The following CLSTN2 variants were observed in gnomAD, a reference collection of about 807,000 sequenced individuals.
CLSTN2 encodes the protein calsyntenin 2.
A neutral mutation model predicts 101.2 loss-of-function variants in CLSTN2; 48 were observed. The observed-to-expected ratio is 0.47, with a 90% CI of 0.38 to 0.60. The LOEUF (loss-of-function observed/expected upper bound fraction) is 0.60, where lower values mean the gene tolerates loss of function less well. Ranked by LOEUF, CLSTN2 falls within the 20% of genes least tolerant of loss-of-function variation. CLSTN2 has a pLI of 0.00. For missense variants in CLSTN2, 1,160 were observed against 1,238.2 expected, an observed-to-expected ratio of 0.94 and a Z score of 0.95; for synonymous variants, 481 against 463.6, an observed-to-expected ratio of 1.04 and a Z score of -0.48.
intron 9 of CLSTN2, among the ~76,000 whole-genome samples, chr3:140,544,373 G>T (rs1935544568): frequency 6.6e-6 from 1 of 152,140 alleles, no homozygotes; most frequent in Non-Finnish European, 1.5e-5. Flanking sequence ...GCCTGCGGGT[G>T]GCACAAAGGA....
At chr3:140,464,645 A>G (rs949726750) in intron 7 of CLSTN2, among the ~76,000 whole-genome samples, 10 of 152,146 alleles carry the variant, frequency 6.6e-5, no homozygotes, top group African/African-American at 2.4e-4. Flanking sequence ...TTCTTGTTCC[A>G]CCTCCTTAGC....
At chr3:140,161,657 T>G (rs961296288) in intron 1 of CLSTN2, among the ~76,000 whole-genome samples, 4 of 152,210 alleles carry the variant, frequency 2.6e-5, no homozygotes, top group African/African-American at 9.6e-5. Flanking sequence ...CTTGCCTGGA[T>G]AACTTTGGTT....
intron 1 of CLSTN2, among the ~76,000 whole-genome samples, chr3:140,154,489 A>G (rs2009917237): frequency 6.6e-6 from 1 of 152,122 alleles, no homozygotes; most frequent in African/African-American, 2.4e-5. Flanking sequence ...ATAAAGGACT[A>G]CCTGAGACCT....
chr3:140,162,402 G>C (rs571302090), intron 1 of CLSTN2, among the ~76,000 whole-genome samples: 1 of 152,274 alleles, frequency 6.6e-6, no homozygotes, highest in African/African-American at 2.4e-5. Flanking sequence ...GGAGGACAAG[G>C]AGAGGGACTT....
intron 1 of CLSTN2, among the ~76,000 whole-genome samples, chr3:139,968,017 A>G (rs1234033465): frequency 6.6e-6 from 1 of 152,094 alleles, no homozygotes; most frequent in African/African-American, 2.4e-5. Context: ...GTGTGTGTGT[A>G]GCAGCAAACA....
intron 4 of CLSTN2, among the ~76,000 whole-genome samples, chr3:140,415,495 A>C (rs1015070324): frequency 1.3e-5 from 2 of 150,764 alleles, no homozygotes; most frequent in South Asian, 2.1e-4. Flanking sequence ...GCAAAAAAAA[A>C]AAAAAAAAAA....
At chr3:140,007,831 C>T (rs1318032573) in intron 1 of CLSTN2, among the ~76,000 whole-genome samples, 1 of 152,238 alleles carries the variant, frequency 6.6e-6, no homozygotes, top group Admixed American at 6.5e-5. Flanking sequence ...CAGAGAACCA[C>T]TGACCTTGTC....
At chr3:140,206,661 AT>A (rs1358388044) in intron 2 of CLSTN2, among the ~76,000 whole-genome samples, 1 of 152,130 alleles carries the variant, frequency 6.6e-6, no homozygotes, top group Non-Finnish European at 1.5e-5. Flanking sequence ...GTGCTGCCAA[AT>A]GGATTTGAAG....
chr3:140,296,008 G>C (rs1196380774), intron 2 of CLSTN2, among the ~76,000 whole-genome samples: 2 of 152,172 alleles, frequency 1.3e-5, no homozygotes, highest in East Asian at 3.8e-4. Context: ...CTTATATGTT[G>C]AATAGCCCTC....
intron 2 of CLSTN2, among the ~76,000 whole-genome samples, chr3:140,188,823 T>A (rs1405237528): frequency 6.6e-6 from 1 of 152,168 alleles, no homozygotes; most frequent in East Asian, 1.9e-4. Context: ...CACGCAAAGC[T>A]ATGGTAAAAT....
At chr3:140,366,321 G>C (rs2087788972) in intron 2 of CLSTN2, among the ~76,000 whole-genome samples, 1 of 152,216 alleles carries the variant, frequency 6.6e-6, no homozygotes, top group Non-Finnish European at 1.5e-5. Flanking sequence ...AGCAGCCCCA[G>C]CCTAGAGCAA....
At position 139,944,368 on chromosome 3, in the gene CLSTN2, TTTG is replaced by T. The variant is rs1560049902; in HGVS notation, c.109+8890_109+8892del. ...AATGCCCAGAACCCATCCCAGAGAT[TTTG>T]TTGTAATTGCTCAGGGACAGCACCT... On this transcript the variant is annotated intron_variant, in intron 1 of 16. Coordinates refer to ENST00000458420, the MANE Select transcript of CLSTN2 (RefSeq NM_022131.3). Among the ~76,000 whole-genome samples, 3 of 152,288 alleles carry T rather than the reference TTTG, an allele frequency of 2.0e-5. No homozygotes were observed. In the East Asian group the frequency reaches 5.8e-4, roughly 29 times the overall value.
intron 2 of CLSTN2, among the ~76,000 whole-genome samples, chr3:140,313,094 A>C (rs1228960179): frequency 6.6e-6 from 1 of 152,170 alleles, no homozygotes; most frequent in Non-Finnish European, 1.5e-5. Flanking sequence ...CGTACTGGGG[A>C]TATAAAGATG....
At chr3:140,047,137 C>A (rs1046125725) in intron 1 of CLSTN2, among the ~76,000 whole-genome samples, 4 of 152,090 alleles carry the variant, frequency 2.6e-5, no homozygotes, top group African/African-American at 4.8e-5. Context: ...GAAATTAAAA[C>A]CTTTAGTAAA....
intron 1 of CLSTN2, among the ~76,000 whole-genome samples, chr3:139,967,455 A>T (rs968970141): frequency 6.6e-6 from 1 of 152,192 alleles, no homozygotes; most frequent in African/African-American, 2.4e-5. Flanking sequence ...AGCAACACCC[A>T]TGCCTTTGAG....
intron 2 of CLSTN2, among the ~76,000 whole-genome samples, chr3:140,267,416 T>C (rs72990159): frequency 0.035 from 5,280 of 152,230 alleles, 193 homozygotes; most frequent in African/African-American, 0.087. Context: ...TCCAATTCCT[T>C]GGTCTACTGC....
chr3:140,209,903 T>C (rs572953079), intron 2 of CLSTN2, among the ~76,000 whole-genome samples: 1 of 152,284 alleles, frequency 6.6e-6, no homozygotes, highest in African/African-American at 2.4e-5. Context: ...AGGACTTTTC[T>C]AAGGACTTAC....
chr3:140,436,716 G>A (rs559253935), intron 5 of CLSTN2, among the ~76,000 whole-genome samples: 19 of 152,348 alleles, frequency 1.2e-4, no homozygotes, highest in Admixed American at 5.9e-4. Flanking sequence ...TGGGGAATGC[G>A]GAGAACCTGT....
chr3:140,425,868 T>C (rs905891085), intron 5 of CLSTN2, among the ~76,000 whole-genome samples: 2 of 152,154 alleles, frequency 1.3e-5, no homozygotes, highest in African/African-American at 4.8e-5. Context: ...ACACTCCCAT[T>C]CTCAGTTGGC....
Sources: allele counts gnomAD v4.1 joint callset (sites outside exome capture counted in the v4.1 genomes callset), GRCh38; gene constraint gnomAD v4.1.1; transcripts MANE v1.5; gene names NCBI Gene and HGNC (gene_info 2026-07-23, HGNC 2026-07-21).